ITGAM: variants seen among roughly 807,000 people sequenced by gnomAD.
ITGAM encodes the protein integrin subunit alpha M.
Under a neutral mutation model 137.5 loss-of-function variants are expected in ITGAM, and 79 were observed. The ratio of observed to expected loss-of-function variants is 0.57; its 90% CI spans 0.48 to 0.69. The LOEUF (loss-of-function observed/expected upper bound fraction) is 0.69. ITGAM is among the 30% of genes least tolerant of loss of function. The pLI, the probability that ITGAM is intolerant of heterozygous loss-of-function variation, is 0.00. For synonymous variants in ITGAM, 583 were observed against 592.3 expected (o/e 0.98, Z 0.23); for missense variants, 1,343 against 1,483.5 (o/e 0.91, Z 1.56).
chr16:31,331,639 G>C lies in ITGAM; in HGVS notation c.3391G>C (p.Gly1131Arg). The change falls in exon 30 of 30, where the codon GGC (glycine) becomes CGC (arginine). Residue 1131 changes from glycine to arginine, a missense_variant. Coordinates refer to ENST00000544665, the MANE Select transcript of ITGAM (RefSeq NM_000632.4). Reference sequence around the variant, plus strand: ...ACTGCCCTCCTCTGCCCCGCAGCTCGGCTTCTTCAAGCGGCAATACAAGGA... The same window carrying C: ...ACTGCCCTCCTCTGCCCCGCAGCTCCGCTTCTTCAAGCGGCAATACAAGGA... ...ALITAALYKL[G>R]FFKRQYKDMM... The C allele has an allele frequency of 6.2e-7, 1 of 1,605,030 alleles. No individual in the cohort carries two copies. Among genetic ancestry groups the C allele is most frequent in the Non-Finnish European group, 8.5e-7 (1 of 1,175,936 alleles).
At position 31,331,273 on chromosome 16, in the gene ITGAM, A is replaced by G. The variant is rs1312765492; in HGVS notation, c.3385A>G (p.Lys1129Glu). The G allele has an allele frequency of 6.3e-6, 10 of 1,597,060 alleles. No homozygotes were observed. Among genetic ancestry groups the G allele is most frequent in the Non-Finnish European group, 7.7e-6 (9 of 1,166,628 alleles). Residue 1129 changes from lysine to glutamate, a missense_variant and splice_region_variant, in exon 29 of 30, where the codon AAG (lysine) becomes GAG (glutamate). Lys to Glu is a moderately conservative substitution (Grantham distance 56). Transcript: ENST00000544665. Reference protein sequence around the residue: ...LLALITAALYKLGFFKRQYKD... With the variant: ...LLALITAALYELGFFKRQYKD... ...GGCCCTCATCACCGCCGCGCTGTACAAGGTGCTCCCCGCTGCTCCCCCACC... is the reference window on the plus strand; with the variant it reads ...GGCCCTCATCACCGCCGCGCTGTACGAGGTGCTCCCCGCTGCTCCCCCACC...
intron 14 of ITGAM, among the ~76,000 whole-genome samples, chr16:31,309,683 G>T (rs1386970484): frequency 1.3e-5 from 2 of 152,116 alleles, no homozygotes; most frequent in Admixed American, 6.6e-5. Flanking sequence ...GTGTGAATTA[G>T]ATCCTGTCAT....
chr16:31,298,193 A>T (rs1266727633), intron 14 of ITGAM, among the ~76,000 whole-genome samples: 1 of 114,790 alleles, frequency 8.7e-6, no homozygotes, highest in Non-Finnish European at 1.7e-5. Flanking sequence ...CATGGTGAGA[A>T]CCCATCTCTC....
intron 2 of ITGAM, among the ~76,000 whole-genome samples, chr16:31,264,399 G>A (rs1218974482): frequency 6.6e-6 from 1 of 151,960 alleles, no homozygotes; most frequent in Non-Finnish European, 1.5e-5. Flanking sequence ...GCAGTGAGCC[G>A]AGATTGCACC....
intron 7 of ITGAM, 114 bp downstream of exon 7, chr16:31,272,106 C>G: frequency 8.1e-7 from 1 of 1,232,146 alleles, no homozygotes; most frequent in Non-Finnish European, 1.2e-6. Flanking sequence ...TCCCCACCGG[C>G]AGAGGTGGGG....
In ITGAM at chr16:31,325,414, T is replaced by TC; in HGVS notation, c.2505+12dup. On this transcript the variant is annotated intron_variant, in intron 20 of 29. Transcript: ENST00000544665. ...GGTGTCCACGCTCCAGGTAGCCACA[T>TC]CCTTCTCAGGCTCTATCTGACCTTT... The TC allele has an allele frequency of 6.2e-7, 1 of 1,612,724 alleles. No homozygotes were observed.
chr16:31,319,545 A>G (rs1344643789), intron 14 of ITGAM, among the ~76,000 whole-genome samples: 6 of 152,110 alleles, frequency 3.9e-5, no homozygotes, highest in Non-Finnish European at 8.8e-5. Flanking sequence ...CTTTTAGCCT[A>G]TGTGTCAGTA....
In ITGAM at chr16:31,330,158, C is replaced by A. The variant is rs776139284; in HGVS notation, c.3054C>A (p.Pro1018=). ...TTCTGGCTGAGCTTCGGAAGGCCCC[C>A]GTGGTGGTGAGAAGCTAAGTCAGCC... ...SDFLAELRKA[P]VVNCSIAVCQ... The change falls in exon 26 of 30, where the codon CCC becomes CCA. Residue 1018 remains proline (P), a synonymous_variant. Transcript: ENST00000544665. The A allele has an allele frequency of 3.1e-6, 5 of 1,613,046 alleles. No individual in the cohort carries two copies. The highest frequency in any genetic ancestry group is 4.2e-6 in the Non-Finnish European group (5 of 1,179,452).
At position 31,265,481 on chromosome 16, in the gene ITGAM, A is replaced by G; in HGVS notation, c.221A>G (p.Glu74Gly). The change falls in exon 3 of 30, where the codon GAG becomes GGG. Residue 74 changes from glutamate to glycine, a missense_variant. By Grantham distance (98) the Glu-to-Gly change is moderately conservative. Transcript: ENST00000544665. The part of the protein sequence containing the change: ...YQCDYSTGSC[E>G]PIRLQVPVEA... The stretch of plus-strand genomic sequence containing the variant: ...TGCGACTACAGCACAGGCTCATGCG[A>G]GCCCATCCGCCTGCAGGGTGAGTCA... The G allele has an allele frequency of 6.2e-7, 1 of 1,600,592 alleles. No individual in the cohort carries two copies. Among genetic ancestry groups the G allele is most frequent in the Non-Finnish European group, 8.5e-7 (1 of 1,173,858 alleles).
At chr16:31,272,460 TATA>T (rs1330554047) in intron 7 of ITGAM, among the ~76,000 whole-genome samples, 19 of 10,708 alleles carry the variant, frequency 1.8e-3, no homozygotes, top group Non-Finnish European at 2.4e-3. Context: ...TATATATATA[TATA>T]TTTTTTTTTT....
intron 14 of ITGAM, among the ~76,000 whole-genome samples, chr16:31,319,240 T>C (rs1196889065): frequency 1.0e-5 from 1 of 99,722 alleles, no homozygotes; most frequent in Non-Finnish European, 2.0e-5. Context: ...CTCCCTTGGG[T>C]TTTTTTTTTG....
At chr16:31,318,595 C>T (rs541718002) in intron 14 of ITGAM, among the ~76,000 whole-genome samples, 2 of 152,282 alleles carry the variant, frequency 1.3e-5, no homozygotes, top group East Asian at 1.9e-4. Flanking sequence ...CCACTTGCCT[C>T]GACATCCCAA....
intron 5 of ITGAM, among the ~76,000 whole-genome samples, chr16:31,270,317 G>T (rs2079818791): frequency 6.6e-6 from 1 of 151,150 alleles, no homozygotes; most frequent in Non-Finnish European, 1.5e-5. Flanking sequence ...AGCCAGGCTG[G>T]TCTCAAACTC....
chr16:31,277,162 C>A lies in ITGAM; in HGVS notation c.1213+113C>A. On this transcript the variant is annotated intron_variant, in intron 11 of 29. Transcript: ENST00000544665. ...GGGATACATATGTATGGGATACTAG[C>A]TATTAGTCTCTTGGGATAGCTTTAA... The A allele has an allele frequency of 1.0e-5, 9 of 887,758 alleles. 1 individual carries two copies. The highest frequency in any genetic ancestry group is 1.3e-5 in the Non-Finnish European group (8 of 617,044). The allele number at this position is 887,758 out of a possible 1,614,324, so 55.0% of individuals were successfully genotyped here.
intron 12 of ITGAM, among the ~76,000 whole-genome samples, chr16:31,297,191 T>C (rs1376318158): frequency 2.0e-5 from 3 of 152,126 alleles, no homozygotes; most frequent in Non-Finnish European, 4.4e-5. Flanking sequence ...CACTTAGAGA[T>C]TGGGATCTTG....
intron 14 of ITGAM, among the ~76,000 whole-genome samples, chr16:31,301,986 C>T (rs1429871827): frequency 6.6e-6 from 1 of 152,198 alleles, no homozygotes; most frequent in Admixed American, 6.5e-5. Context: ...AAAAAAGTCA[C>T]CTTATCATAA....
At chr16:31,280,220 G>A (rs1248566307) in intron 12 of ITGAM, among the ~76,000 whole-genome samples, 2 of 152,296 alleles carry the variant, frequency 1.3e-5, no homozygotes, top group East Asian at 3.9e-4. Flanking sequence ...GGCAATGTGG[G>A]CTCTTTTTTG....
rs1038863198 is a variant in ITGAM at position 31,324,638 on chromosome 16, G to T, written c.2158-13G>T. On this transcript the variant is annotated splice_polypyrimidine_tract_variant and intron_variant, in intron 17 of 29. Transcript: ENST00000544665. The surrounding 1 kb of genome is among the most constrained non-coding windows in gnomAD (Gnocchi z 4.5). ...TGAGGAGGGCAGATCCCCAAATCCC[G>T]GCTATCTCTTAGAATTGCATCGAGG... 1 of 1,605,556 alleles carries T rather than the reference G, an allele frequency of 6.2e-7. No homozygotes were observed. Among genetic ancestry groups the T allele is most frequent in the East Asian group, 2.2e-5 (1 of 44,708 alleles).
At chr16:31,297,409 C>G in intron 12 of ITGAM, 105 bp from the exon 13 acceptor site, 5 of 1,436,568 alleles carry the variant, frequency 3.5e-6, no homozygotes, top group Non-Finnish European at 4.9e-6. Flanking sequence ...CACATCTGCT[C>G]CAGAGGGATT....
Sources: gnomAD v4.1 joint callset for allele counts (sites outside exome capture counted in the v4.1 genomes callset) on GRCh38, gnomAD v4.1.1 for gene constraint, Gnocchi (gnomAD v3.1) non-coding constraint, MANE v1.5 for transcripts, NCBI Gene and HGNC (gene_info 2026-07-23, HGNC 2026-07-21) for gene names.